RBFOX1: variants seen among roughly 807,000 people sequenced by gnomAD.
RBFOX1 encodes the protein RNA binding fox-1 homolog 1.
A neutral mutation model predicts 57.7 loss-of-function variants in RBFOX1; 8 were observed. The observed-to-expected ratio is 0.14, with a 90% CI of 0.08 to 0.25. The LOEUF (loss-of-function observed/expected upper bound fraction) is 0.25. RBFOX1 is among the 10% of genes least tolerant of loss of function. The pLI, the probability that RBFOX1 is intolerant of heterozygous loss-of-function variation, is 1.00. For missense variants in RBFOX1, 611 were observed against 548.5 expected, an observed-to-expected ratio of 1.11 and a Z score of -1.14; for synonymous variants, 326 against 222.4, an observed-to-expected ratio of 1.47 and a Z score of -4.15.
At chr16:6,331,985 A>C (rs574547875) in intron 2 of RBFOX1, among the ~76,000 whole-genome samples, 1 of 152,296 alleles carries the variant, frequency 6.6e-6, no homozygotes, top group East Asian at 1.9e-4. Context: ...CTCCTGTTAC[A>C]ACAGGCTGCT....
chr16:7,398,704 G>A (rs1230112398), intron 4 of RBFOX1, among the ~76,000 whole-genome samples: 1 of 152,184 alleles, frequency 6.6e-6, no homozygotes, highest in African/African-American at 2.4e-5. Context: ...GGCAACTTCC[G>A]TAGTCGGGGC....
At chr16:6,810,757 A>C (rs1166593425) in intron 3 of RBFOX1, among the ~76,000 whole-genome samples, 1 of 152,150 alleles carries the variant, frequency 6.6e-6, no homozygotes, top group Non-Finnish European at 1.5e-5. Context: ...GAACGGAGCA[A>C]GAGCAGAGAG....
chr16:6,812,477 G>A (rs747414831), intron 3 of RBFOX1, among the ~76,000 whole-genome samples: 55 of 152,062 alleles, frequency 3.6e-4, no homozygotes, highest in Non-Finnish European at 6.9e-4. Context: ...GGGTTCAAGT[G>A]ATTCTCTTGC....
In RBFOX1 at chr16:6,331,275, A is replaced by G. The variant is rs528026086; in HGVS notation, c.-64+14218A>G. Among the ~76,000 whole-genome samples, 8 of 152,246 alleles carry G rather than the reference A, an allele frequency of 5.3e-5. No homozygotes were observed. The South Asian group carries it at 1.2e-3, about 24-fold the overall frequency. On this transcript the variant is annotated intron_variant, in intron 2 of 15. Transcript: ENST00000550418. ...AGCCTGATCAACATGGTGAAATCCT[A>G]TCTCTAATAAAAGTACAAAAAATTA...
At chr16:7,562,106 C>A (rs2090519769) in intron 5 of RBFOX1, among the ~76,000 whole-genome samples, 1 of 152,162 alleles carries the variant, frequency 6.6e-6, no homozygotes, top group Non-Finnish European at 1.5e-5. Context: ...GAGAACAATG[C>A]AGCTCATTTT....
intron 2 of RBFOX1, among the ~76,000 whole-genome samples, chr16:6,380,927 T>C (rs1441987911): frequency 1.3e-5 from 2 of 152,204 alleles, no homozygotes. Flanking sequence ...AAGGTCCTCA[T>C]ATTTTTCTGT....
At position 5,818,553 on chromosome 16, in the gene RBFOX1, T is replaced by C. The variant is rs8044284; in HGVS notation, c.319-48750T>C. 5.0e-3 allele frequency among the ~76,000 whole-genome samples: 767 copies of C among 152,316 alleles called. 5 individuals carry two copies. Among genetic ancestry groups the C allele is most frequent in the African/African-American group, 0.017 (724 of 41,564 alleles). ...TCGGAAGACACAAGGAACCTCTGAATTGGAGATGGTCTAAGTCCATTAATA... is the reference window on the plus strand; with the variant it reads ...TCGGAAGACACAAGGAACCTCTGAACTGGAGATGGTCTAAGTCCATTAATA... On this transcript the variant is annotated intron_variant, in intron 3 of 19. Coordinates refer to the RBFOX1 transcript ENST00000641259.
intron 1 of RBFOX1, among the ~76,000 whole-genome samples, chr16:6,295,210 G>A (rs1289103997): frequency 6.7e-6 from 1 of 148,832 alleles, no homozygotes; most frequent in Non-Finnish European, 1.5e-5. Flanking sequence ...TGCAAACTCT[G>A]CCTCCTAGGT....
intron 1 of RBFOX1, among the ~76,000 whole-genome samples, chr16:5,397,188 C>T (rs550311784): frequency 1.1e-4 from 17 of 152,362 alleles, no homozygotes; most frequent in South Asian, 4.1e-4. Context: ...AGGTGACTCT[C>T]CAATCCCTGG....
chr16:6,006,734 T>G lies in RBFOX1; in HGVS notation c.351+139399T>G, dbSNP rs1235814033. 2.6e-5 allele frequency among the ~76,000 whole-genome samples: 4 copies of G among 151,762 alleles called. No homozygotes were observed. The East Asian group carries it at 7.7e-4, about 29-fold the overall frequency. Reference sequence around the variant, plus strand: ...ATATTGGTCTTGGATATGTGGAGAGTGGGTTTTCATAATACCAGCTAAAGC... The same window carrying G: ...ATATTGGTCTTGGATATGTGGAGAGGGGGTTTTCATAATACCAGCTAAAGC... On this transcript the variant is annotated intron_variant, in intron 4 of 19. Coordinates refer to the RBFOX1 transcript ENST00000641259.
At chr16:6,139,965 G>A (rs2096702168) in intron 1 of RBFOX1, among the ~76,000 whole-genome samples, 1 of 152,194 alleles carries the variant, frequency 6.6e-6, no homozygotes, top group Non-Finnish European at 1.5e-5. Context: ...GCAGAGGAAG[G>A]AACTGCTCCT....
At chr16:7,253,291 G>A (rs2094557913) in intron 4 of RBFOX1, among the ~76,000 whole-genome samples, 2 of 152,194 alleles carry the variant, frequency 1.3e-5, no homozygotes, top group Non-Finnish European at 2.9e-5. Flanking sequence ...GTTCTGTGGA[G>A]CTATTCAGAA....
chr16:6,780,235 A>ATT (rs2080573210), intron 3 of RBFOX1, among the ~76,000 whole-genome samples: 1 of 82,068 alleles, frequency 1.2e-5, no homozygotes, highest in African/African-American at 5.5e-5. Context: ...ATATATTTAT[A>ATT]TATATTTACA....
intron 4 of RBFOX1, among the ~76,000 whole-genome samples, chr16:7,305,853 T>C (rs2096169982): frequency 6.6e-6 from 1 of 152,234 alleles, no homozygotes; most frequent in East Asian, 1.9e-4. Flanking sequence ...CAGAAGACAT[T>C]TCCCAAGAGA....
At chr16:7,482,223 G>A (rs1008214518) in intron 4 of RBFOX1, among the ~76,000 whole-genome samples, 3 of 152,190 alleles carry the variant, frequency 2.0e-5, no homozygotes, top group African/African-American at 7.2e-5. Flanking sequence ...ACAGTGCCTG[G>A]TGCATTGCAT....
intron 1 of RBFOX1, among the ~76,000 whole-genome samples, chr16:5,457,392 G>C (rs1245870236): frequency 6.6e-6 from 1 of 152,158 alleles, no homozygotes; most frequent in Non-Finnish European, 1.5e-5. Context: ...GCCTCGGCCT[G>C]TCAAAGTGCT....
intron 2 of RBFOX1, among the ~76,000 whole-genome samples, chr16:6,481,186 C>G (rs931431201): frequency 2.6e-5 from 4 of 152,164 alleles, no homozygotes; most frequent in African/African-American, 9.7e-5. Flanking sequence ...GAGGTTGCAT[C>G]CCTTCCTGTT....
chr16:6,927,495 T>G (rs921987963), intron 3 of RBFOX1, among the ~76,000 whole-genome samples: 1 of 151,612 alleles, frequency 6.6e-6, no homozygotes, highest in African/African-American at 2.4e-5. Flanking sequence ...TTTCCTCTCT[T>G]TCTTTCCACA....
intron 1 of RBFOX1, among the ~76,000 whole-genome samples, chr16:5,242,124 G>GAC (rs1394325399): frequency 6.7e-6 from 1 of 148,952 alleles, no homozygotes; most frequent in Non-Finnish European, 1.5e-5. Flanking sequence ...AAGGAAAAGA[G>GAC]AGAGAGAGAG....
Sources: gnomAD v4.1 joint callset for allele counts (sites outside exome capture counted in the v4.1 genomes callset) on GRCh38, gnomAD v4.1.1 for gene constraint, MANE v1.5 for transcripts, NCBI Gene and HGNC (gene_info 2026-07-23, HGNC 2026-07-21) for gene names.